MIA2: variants seen among roughly 807,000 people sequenced by gnomAD.
MIA2 encodes the protein melanoma inhibitory activity protein 2.
In MIA2, 127 loss-of-function variants were observed where a neutral mutation model predicts 167.8. The ratio of observed to expected loss-of-function variants is 0.76; its 90% CI spans 0.66 to 0.88. MIA2 has a LOEUF of 0.88. MIA2 is among the 40% of genes least tolerant of loss of function. The pLI is 0.00. For synonymous variants in MIA2, 552 were observed against 541.9 expected (o/e 1.02, Z -0.26); for missense variants, 1,690 against 1,624.7 (o/e 1.04, Z -0.69).
chr14:39,357,240 A>G (rs1393869003), intron 23 of MIA2, among the ~76,000 whole-genome samples: 3 of 152,130 alleles, frequency 2.0e-5, no homozygotes, highest in African/African-American at 7.2e-5. Context: ...GTGCTCCTGT[A>G]TTGGGCACAT....
At chr14:39,355,565 C>T (rs1010261433), downstream of MIA2, among the ~76,000 whole-genome samples, 3 of 152,020 alleles carry the variant, frequency 2.0e-5, no homozygotes, top group African/African-American at 7.2e-5. Flanking sequence ...GCCTGATTGC[C>T]CTGGCCGGAA....
At chr14:39,288,467 A>ATTTTTTTTTTTTTTTTTT (rs1264770913) in intron 9 of MIA2, among the ~76,000 whole-genome samples, 1 of 51,586 alleles carries the variant, frequency 1.9e-5, no homozygotes, top group Non-Finnish European at 3.1e-5. Context: ...ATATATATAT[A>ATTTTTTTTTTTTTTTTTT]TATATATATT....
chr14:39,234,712 G>C (rs2053654624), intron 1 of MIA2, among the ~76,000 whole-genome samples: 1 of 151,936 alleles, frequency 6.6e-6, no homozygotes. Flanking sequence ...AAACCATCAT[G>C]ATTTATTCTT....
chr14:39,346,388 G>C (rs2073251205), intron 26 of MIA2, among the ~76,000 whole-genome samples: 1 of 152,082 alleles, frequency 6.6e-6, no homozygotes, highest in South Asian at 2.1e-4. Context: ...AAACCCACCA[G>C]AAAACAATTT....
chr14:39,255,296 T>A (rs1282157078), intron 6 of MIA2, among the ~76,000 whole-genome samples: 2 of 152,104 alleles, frequency 1.3e-5, no homozygotes, highest in Non-Finnish European at 2.9e-5. Context: ...TCAGTTGAGG[T>A]CAAGAGTTCA....
chr14:39,351,932 C>T (rs1158656798), downstream of MIA2, among the ~76,000 whole-genome samples: 1 of 152,118 alleles, frequency 6.6e-6, no homozygotes, highest in Non-Finnish European at 1.5e-5. Flanking sequence ...CTCAGTAAAT[C>T]CAGTGTCGTA....
At chr14:39,246,280 T>G (rs1324856997) in intron 3 of MIA2, among the ~76,000 whole-genome samples, 1 of 151,920 alleles carries the variant, frequency 6.6e-6, no homozygotes, top group African/African-American at 2.4e-5. Flanking sequence ...TATTTTTTAG[T>G]AGAGATGGGT....
At chr14:39,256,308 C>A (rs1007851933) in intron 6 of MIA2, among the ~76,000 whole-genome samples, 4 of 152,032 alleles carry the variant, frequency 2.6e-5, no homozygotes, top group Non-Finnish European at 5.9e-5. Context: ...CTATTAAGCA[C>A]CCATAGTATA....
chr14:39,319,922 G>A (rs1391926881), intron 23 of MIA2, among the ~76,000 whole-genome samples: 1 of 151,786 alleles, frequency 6.6e-6, no homozygotes, highest in Non-Finnish European at 1.5e-5. Context: ...AAGCTTCTAA[G>A]GTACTGAAAA....
intron 6 of MIA2, among the ~76,000 whole-genome samples, chr14:39,270,250 G>A (rs1296319049): frequency 6.7e-6 from 1 of 148,676 alleles, no homozygotes; most frequent in Non-Finnish European, 1.5e-5. Context: ...CACCCAGGCT[G>A]GAGTGCAGTG....
At chr14:39,360,116 A>G (rs946000398) in intron 23 of MIA2, among the ~76,000 whole-genome samples, 4 of 151,850 alleles carry the variant, frequency 2.6e-5, no homozygotes, top group African/African-American at 4.8e-5. Flanking sequence ...AGCATGGCCA[A>G]TGTGATGAAA....
downstream of MIA2, among the ~76,000 whole-genome samples, chr14:39,352,126 T>C (rs573170604): frequency 6.6e-6 from 1 of 152,076 alleles, no homozygotes; most frequent in Non-Finnish European, 1.5e-5. Context: ...ATTTTCTTCT[T>C]CTTTTTTGTC....
intron 23 of MIA2, among the ~76,000 whole-genome samples, chr14:39,382,963 T>TG (rs910462342): frequency 6.7e-6 from 1 of 149,144 alleles, no homozygotes; most frequent in African/African-American, 2.5e-5. Flanking sequence ...GTTTTTTTTT[T>TG]TTTTTTTTTT....
At chr14:39,264,198 T>C (rs1330013506) in intron 6 of MIA2, among the ~76,000 whole-genome samples, 3 of 152,200 alleles carry the variant, frequency 2.0e-5, no homozygotes, top group Non-Finnish European at 4.4e-5. Context: ...GAACATGTGA[T>C]ATTTGGTTTT....
At chr14:39,262,350 C>G (rs542184768) in intron 6 of MIA2, among the ~76,000 whole-genome samples, 1 of 152,238 alleles carries the variant, frequency 6.6e-6, no homozygotes, top group South Asian at 2.1e-4. Context: ...ATTTCTGAGG[C>G]CTGTGTTCTG....
At chr14:39,304,237 A>AT (rs1422192236) in intron 16 of MIA2, 54 bp from the exon 17 acceptor site, 7 of 696,738 alleles carry the variant, frequency 1.0e-5, no homozygotes, top group East Asian at 3.3e-5. Flanking sequence ...TTTTATTTTT[A>AT]TTTTTTTGTA....
chr14:39,348,130 G>T (rs1431649928), intron 27 of MIA2, among the ~76,000 whole-genome samples: 1 of 152,104 alleles, frequency 6.6e-6, no homozygotes, highest in East Asian at 1.9e-4. Flanking sequence ...ACTGTGCCTG[G>T]CCTGTGCCTT....
chr14:39,263,567 C>G (rs1306503377), intron 6 of MIA2, among the ~76,000 whole-genome samples: 1 of 150,432 alleles, frequency 6.6e-6, no homozygotes, highest in Non-Finnish European at 1.5e-5. Flanking sequence ...CTTTTCCTTT[C>G]CTTTCCTTTC....
chr14:39,246,343 C>CG (rs139347003), intron 3 of MIA2, among the ~76,000 whole-genome samples: 10,397 of 152,044 alleles, frequency 0.068, 460 homozygotes, highest in South Asian at 0.18. Flanking sequence ...GCAATCCACC[C>CG]GCCTGAGCCT....
Sources: gnomAD v4.1 joint callset for allele counts (sites outside exome capture counted in the v4.1 genomes callset) on GRCh38, gnomAD v4.1.1 for gene constraint, MANE v1.5 for transcripts, NCBI Gene and HGNC (gene_info 2026-07-23, HGNC 2026-07-21) for gene names.